The following MYT1 variants were observed in gnomAD, a reference collection of about 807,000 sequenced individuals.
MYT1 encodes the protein myelin transcription factor I.
A neutral mutation model predicts 123.0 loss-of-function variants in MYT1; 23 were observed. That is an observed-to-expected ratio of 0.19 (90% CI 0.13 to 0.26). The LOEUF is 0.26. Ranked by LOEUF, MYT1 falls within the 10% of genes least tolerant of loss-of-function variation. The pLI is 1.00. For synonymous variants in MYT1, 518 were observed against 575.3 expected (o/e 0.90, Z 1.43); for missense variants, 1,125 against 1,472.5 (o/e 0.76, Z 3.86).
At chr20:64,195,400 A>ATTTTTTT (rs1568704696) in intron 2 of MYT1, among the ~76,000 whole-genome samples, 13 of 7,810 alleles carry the variant, frequency 1.7e-3, no homozygotes, top group Non-Finnish European at 2.5e-3. Flanking sequence ...GTGTGTGTAT[A>ATTTTTTT]CTTTTTTTTT....
rs893550065 is a variant in MYT1, at chr20:64,166,941, G to A, written c.-99+2202G>A. Among the ~76,000 whole-genome samples the A allele has an allele frequency of 2.6e-5, 4 of 152,160 alleles. No individual in the cohort carries two copies. The highest frequency in any genetic ancestry group is 9.7e-5 in the African/African-American group (4 of 41,424). On this transcript the variant is annotated intron_variant, in intron 1 of 22. Transcript: ENST00000328439. The surrounding 1 kb of genome is among the most constrained non-coding windows in gnomAD (Gnocchi z 4.9). ...CTGGATGGTGGCTGGAGCTTGGCCTGTCCCTGCTGTGGATGTGGTGGGCGC... is the reference window on the plus strand; with the variant it reads ...CTGGATGGTGGCTGGAGCTTGGCCTATCCCTGCTGTGGATGTGGTGGGCGC...
At chr20:64,165,489 C>T (rs951706312) in intron 1 of MYT1, among the ~76,000 whole-genome samples, 18 of 152,102 alleles carry the variant, frequency 1.2e-4, no homozygotes, top group African/African-American at 4.1e-4. Context: ...GTTCTGGGGC[C>T]GTGGACTTTG....
chr20:64,184,787 A>G (rs1050985774), intron 1 of MYT1, among the ~76,000 whole-genome samples: 1 of 152,214 alleles, frequency 6.6e-6, no homozygotes, highest in African/African-American at 2.4e-5. Context: ...TGATGACTGA[A>G]GAGGGGAAGA....
At chr20:64,238,634 C>A (rs1301235332) in intron 21 of MYT1, among the ~76,000 whole-genome samples, 1 of 152,242 alleles carries the variant, frequency 6.6e-6, no homozygotes, top group Non-Finnish European at 1.5e-5. Context: ...CCCGGCGGAG[C>A]CATCCCCGTC....
intron 5 of MYT1, 146 bp downstream of exon 5, chr20:64,205,243 C>CTAGCGTG: frequency 9.8e-7 from 1 of 1,018,432 alleles, no homozygotes; most frequent in Non-Finnish European, 1.5e-6. Context: ...ACCTCCCACT[C>CTAGCGTG]TAGCGTGGAG....
intron 18 of MYT1, chr20:64,228,242 G>T: frequency 2.0e-6 from 1 of 498,922 alleles, no homozygotes; most frequent in Non-Finnish European, 3.5e-6. Flanking sequence ...TGACGGGGCT[G>T]GGAGAGGCAG....
chr20:64,222,629 G>A (rs796143233), intron 14 of MYT1, among the ~76,000 whole-genome samples: 16 of 152,354 alleles, frequency 1.1e-4, no homozygotes, highest in African/African-American at 3.8e-4. Context: ...GACTGTGAGA[G>A]GCTGTGCCTG....
At position 64,237,654 on chromosome 20, in the gene MYT1, C is replaced by G. The variant is rs1037037943; in HGVS notation, c.3093+264C>G. ...TGTGGTCTCATTAGTGTTAATAACACTATTAATAATACTAGTCCCATTAAG... is the reference window on the plus strand; with the variant it reads ...TGTGGTCTCATTAGTGTTAATAACAGTATTAATAATACTAGTCCCATTAAG... On this transcript the variant is annotated intron_variant, in intron 21 of 22. Coordinates refer to ENST00000328439, the MANE Select transcript of MYT1 (RefSeq NM_004535.3). 1.3e-5 allele frequency among the ~76,000 whole-genome samples: 2 copies of G among 152,210 alleles called. 1 individual carries two copies.
intron 22 of MYT1, 85 bp downstream of exon 22, chr20:64,239,988 C>A: frequency 1.3e-6 from 2 of 1,552,930 alleles, no homozygotes; most frequent in South Asian, 2.4e-5. Flanking sequence ...CTCCCACCCC[C>A]TCTGCCTCTG....
chr20:64,173,489 CCTT>C (rs112845932), intron 1 of MYT1, among the ~76,000 whole-genome samples: 71 of 136,874 alleles, frequency 5.2e-4, no homozygotes, highest in African/African-American at 7.5e-4. Flanking sequence ...AGCATCCTTC[CCTT>C]TAGTTGTGTC....
intron 13 of MYT1, among the ~76,000 whole-genome samples, chr20:64,220,637 G>A (rs768861668): frequency 2.6e-5 from 4 of 152,244 alleles, no homozygotes; most frequent in Non-Finnish European, 5.9e-5. Flanking sequence ...AGCTGTGAGG[G>A]CAGCCCAGGG....
In MYT1 at chr20:64,190,727, G is replaced by T. The variant is rs557332984; in HGVS notation, c.-1+567G>T. 6.9e-5 allele frequency among the ~76,000 whole-genome samples: 10 copies of T among 145,864 alleles called. No individual in the cohort carries two copies. The South Asian group carries it at 2.2e-3, about 32-fold the overall frequency. On this transcript the variant is annotated intron_variant, in intron 2 of 22. Transcript: ENST00000328439. This position sits in a 1 kb window ranked among gnomAD's most constrained non-coding sequence, Gnocchi z 4.1. ...CTTTTATCTCTAATCCCAGCACTTT[G>T]GGAGGCTGAGGCAGGTGGATCACTT...
intron 12 of MYT1, 90 bp from the exon 13 acceptor site, chr20:64,219,623 T>C (rs564595399): frequency 1.4e-4 from 165 of 1,183,676 alleles, no homozygotes; most frequent in Middle Eastern, 2.0e-4. Context: ...GAACCAGTGT[T>C]CTGGACTCTG....
At chr20:64,228,918 A>C (rs1042156482) in intron 18 of MYT1, among the ~76,000 whole-genome samples, 61 of 152,220 alleles carry the variant, frequency 4.0e-4, no homozygotes, top group African/African-American at 1.4e-3. Context: ...CGCAGGAAGC[A>C]GGTTGCCCTC....
At chr20:64,228,086 T>A in intron 18 of MYT1, 115 bp downstream of exon 18, 6 of 984,208 alleles carry the variant, frequency 6.1e-6, no homozygotes, top group Non-Finnish European at 9.2e-6. Flanking sequence ...ACGGGTCACC[T>A]AACTGACCAA....
In MYT1 at chr20:64,205,747, C is replaced by T. The variant is rs1453353213; in HGVS notation, c.344C>T (p.Ala115Val). 6.2e-7 allele frequency: 1 copy of T among 1,614,126 alleles called. No homozygotes were observed. Among genetic ancestry groups the T allele is most frequent in the Non-Finnish European group, 8.5e-7 (1 of 1,180,028 alleles). The change falls in exon 6 of 23, where the codon GCC becomes GTC. Residue 115 changes from alanine (A) to valine (V), a missense_variant. By Grantham distance (64) the Ala-to-Val change is moderately conservative. Transcript: ENST00000328439. ...GAATCGGAAGGAACTCTGGAGGGGG[C>T]CGAGGCTGAGACGTCAGGACAGGAC... is the stretch of plus-strand genomic sequence containing the variant. Reference protein sequence around the residue: ...SDESEGTLEGAEAETSGQDEI... With the variant: ...SDESEGTLEGVEAETSGQDEI...
Position 64,223,356 on chromosome 20 carries a change from T to A in MYT1, c.2525T>A (p.Leu842His). 1.2e-6 allele frequency: 2 copies of A among 1,614,084 alleles called. No individual in the cohort carries two copies. The highest frequency in any genetic ancestry group is 1.7e-6 in the Non-Finnish European group (2 of 1,179,968). ...CTCATGGCTGCCCACTCTGCTGACC[T>A]CAAGTATGTTTGCGCTCCCTGACCT... ...RNLMAAHSAD[L>H]KCPTPGCDGS... Residue 842 changes from leucine (L) to histidine (H), a missense_variant, in exon 16 of 23, where the codon CTC (leucine) becomes CAC (histidine). Physicochemically the swap from Leu to His is moderately conservative, Grantham distance 99 (BLOSUM62 -3). Transcript: ENST00000328439.
chr20:64,237,068 A>G (rs1984574395), intron 20 of MYT1, among the ~76,000 whole-genome samples: 1 of 152,218 alleles, frequency 6.6e-6, no homozygotes, highest in African/African-American at 2.4e-5. Flanking sequence ...GCCAGCTCGG[A>G]AGGCAAACTA....
At position 64,194,127 on chromosome 20, in the gene MYT1, T is replaced by G. The variant is rs192434422; in HGVS notation, c.-1+3967T>G. On this transcript the variant is annotated intron_variant, in intron 2 of 22. Coordinates refer to ENST00000328439, the MANE Select transcript of MYT1 (RefSeq NM_004535.3). ...TCCATCCACCCATCCTTAAATGACATGCACTAAGCAGCTGTCTGGAGGAGA... is the reference window on the plus strand; with the variant it reads ...TCCATCCACCCATCCTTAAATGACAGGCACTAAGCAGCTGTCTGGAGGAGA... 3.0e-4 allele frequency among the ~76,000 whole-genome samples: 45 copies of G among 152,326 alleles called. 1 individual carries two copies. Among genetic ancestry groups the G allele is most frequent in the Non-Finnish European group, 7.3e-5 (5 of 68,034 alleles).
Sources: gnomAD v4.1 joint callset for allele counts (sites outside exome capture counted in the v4.1 genomes callset) on GRCh38, gnomAD v4.1.1 for gene constraint, Gnocchi (gnomAD v3.1) non-coding constraint, MANE v1.5 for transcripts, NCBI Gene and HGNC (gene_info 2026-07-23, HGNC 2026-07-21) for gene names.